The following LPAR1 variants were observed in gnomAD, a reference collection of about 807,000 sequenced individuals.
The protein encoded by LPAR1 is lysophosphatidic acid receptor 1.
In LPAR1, 5 loss-of-function variants were observed where a neutral mutation model predicts 23.8. The ratio of observed to expected loss-of-function variants is 0.21; its 90% CI spans 0.11 to 0.44. The LOEUF (loss-of-function observed/expected upper bound fraction) is 0.44, where lower values mean the gene tolerates loss of function less well. Among genes scored for constraint, LPAR1 ranks in the 20% least tolerant of loss-of-function variants. LPAR1 has a pLI of 0.99. For synonymous variants in LPAR1, 160 were observed against 164.7 expected (o/e 0.97, Z 0.22); for missense variants, 311 against 482.8 (o/e 0.64, Z 3.33).
At chr9:110,902,741 C>T (rs890802171) in intron 5 of LPAR1, among the ~76,000 whole-genome samples, 1 of 151,906 alleles carries the variant, frequency 6.6e-6, no homozygotes, top group Non-Finnish European at 1.5e-5. Flanking sequence ...GATCCTGCCA[C>T]AAAAAAAGGC....
chr9:110,899,632 AC>A (rs1442090997), intron 5 of LPAR1, among the ~76,000 whole-genome samples: 2 of 152,216 alleles, frequency 1.3e-5, no homozygotes, highest in Admixed American at 1.3e-4. Context: ...TACACGAATC[AC>A]CCAGAGATCT....
chr9:110,947,773 G>C (rs933603908), intron 4 of LPAR1, among the ~76,000 whole-genome samples: 3 of 152,224 alleles, frequency 2.0e-5, no homozygotes, highest in African/African-American at 7.2e-5. Context: ...CATTGGCCAA[G>C]AGGAAGAAGG....
intron 2 of LPAR1, among the ~76,000 whole-genome samples, chr9:110,989,944 G>C (rs1046688342): frequency 4.2e-4 from 53 of 127,236 alleles, no homozygotes; most frequent in African/African-American, 1.5e-3. Flanking sequence ...CAAAGCTGAA[G>C]TATCAATATT....
intron 5 of LPAR1, among the ~76,000 whole-genome samples, chr9:110,893,773 T>C (rs903674921): frequency 3.9e-5 from 6 of 152,214 alleles, no homozygotes; most frequent in Non-Finnish European, 7.3e-5. Context: ...CAAGTGTTTG[T>C]AACCAAAAGT....
chr9:110,950,945 C>A (rs2095550367), intron 4 of LPAR1, among the ~76,000 whole-genome samples: 1 of 152,080 alleles, frequency 6.6e-6, no homozygotes, highest in African/African-American at 2.4e-5. Flanking sequence ...AAACTAATAA[C>A]TAGATGCGTT....
Position 110,894,868 on chromosome 9 carries a change from A to C in LPAR1, c.794-19146T>G, listed in dbSNP as rs563876599. ...CTACCTCCAGAAAAAGTAAAAAAAA[A>C]AAATCAGCCAGATGCAGTGGTGCAC... is the stretch of plus-strand genomic sequence containing the variant. On this transcript the variant is annotated intron_variant, in intron 5 of 5. Transcript: ENST00000683809. Among the ~76,000 whole-genome samples the C allele has an allele frequency of 3.9e-5, 6 of 151,922 alleles. No homozygotes were observed. In the South Asian group the frequency reaches 6.2e-4, roughly 16 times the overall value.
Position 110,942,182 on chromosome 9 carries a change from GA to G in LPAR1, c.46-15del. 1 of 1,580,982 alleles carries G rather than the reference GA, an allele frequency of 6.3e-7. No homozygotes were observed. The highest frequency in any genetic ancestry group is 1.2e-5 in the South Asian group (1 of 84,882). ...CATGGCTGTGAACTAAAAGAAAAAG[GA>G]GAAAAGATGATGAAAAAGAAGGCAC... is the stretch of plus-strand genomic sequence containing the variant. On this transcript the variant is annotated splice_polypyrimidine_tract_variant and intron_variant, in intron 4 of 5. Coordinates refer to ENST00000683809, the MANE Select transcript of LPAR1 (RefSeq NM_001351411.2).
intron 4 of LPAR1, among the ~76,000 whole-genome samples, chr9:110,944,776 C>T (rs1163838850): frequency 6.6e-6 from 1 of 152,136 alleles, no homozygotes; most frequent in Non-Finnish European, 1.5e-5. Flanking sequence ...TTTCTTTTCT[C>T]TCAACAATTG....
At chr9:110,968,812 TGCCCAGAATATGTGCCAG>T (rs1341445220) in intron 4 of LPAR1, among the ~76,000 whole-genome samples, 2 of 152,348 alleles carry the variant, frequency 1.3e-5, no homozygotes, top group African/African-American at 4.8e-5. Context: ...GGGCAATATG[TGCCCAGAATATGTGCCAG>T]GCACTATTCT....
At chr9:111,016,267 A>G (rs777628344) in intron 2 of LPAR1, among the ~76,000 whole-genome samples, 10 of 152,174 alleles carry the variant, frequency 6.6e-5, no homozygotes, top group Non-Finnish European at 1.2e-4. Context: ...TCACAAGCAC[A>G]AATACCCACA....
intron 2 of LPAR1, among the ~76,000 whole-genome samples, chr9:111,017,175 A>C (rs935115506): frequency 6.6e-6 from 1 of 152,170 alleles, no homozygotes; most frequent in Non-Finnish European, 1.5e-5. Flanking sequence ...TAATACATGA[A>C]TAGCACCCTA....
intron 2 of LPAR1, among the ~76,000 whole-genome samples, chr9:111,002,521 A>C (rs1178151357): frequency 1.3e-5 from 2 of 152,194 alleles, no homozygotes; most frequent in Admixed American, 6.6e-5. Context: ...AGTATGGCTC[A>C]ATGTGGGAAC....
chr9:110,958,064 T>C (rs1373649878), intron 4 of LPAR1, among the ~76,000 whole-genome samples: 1 of 152,082 alleles, frequency 6.6e-6, no homozygotes, highest in Non-Finnish European at 1.5e-5. Flanking sequence ...TACAAAACAC[T>C]GATGAAAGAA....
At chr9:110,985,258 C>T (rs553347474) in intron 2 of LPAR1, among the ~76,000 whole-genome samples, 53 of 152,224 alleles carry the variant, frequency 3.5e-4, no homozygotes, top group African/African-American at 1.2e-3. Flanking sequence ...GGCTACTTTC[C>T]TCTCTTCCTC....
At chr9:110,895,440 G>A (rs983707289) in intron 5 of LPAR1, among the ~76,000 whole-genome samples, 1 of 152,220 alleles carries the variant, frequency 6.6e-6, no homozygotes. Flanking sequence ...GCAGCACGGG[G>A]CCCCCTAGTC....
Position 111,016,955 on chromosome 9 carries a change from C to T in LPAR1, c.-182+19167G>A, listed in dbSNP as rs201068148. ...CATTGTAAGATTGTATTTGGAGACA[C>T]GACTCAATACATTAAAGTACCTAAC... On this transcript the variant is annotated intron_variant, in intron 2 of 5. Transcript: ENST00000683809. Among the ~76,000 whole-genome samples, 12 of 152,234 alleles carry T rather than the reference C, an allele frequency of 7.9e-5. No homozygotes were observed. The East Asian group carries it at 1.9e-3, about 24-fold the overall frequency.
At chr9:110,927,611 G>A (rs1225590679) in intron 5 of LPAR1, among the ~76,000 whole-genome samples, 1 of 151,938 alleles carries the variant, frequency 6.6e-6, no homozygotes, top group Non-Finnish European at 1.5e-5. Context: ...CAAACTGCAC[G>A]CAATAAAGTT....
intron 5 of LPAR1, among the ~76,000 whole-genome samples, chr9:110,899,014 A>T (rs1407933114): frequency 6.6e-6 from 1 of 152,268 alleles, no homozygotes; most frequent in Non-Finnish European, 1.5e-5. Flanking sequence ...TCCTTGGACA[A>T]ACATCGGCTA....
chr9:110,963,364 T>A (rs1453947907), intron 4 of LPAR1, among the ~76,000 whole-genome samples: 1 of 152,134 alleles, frequency 6.6e-6, no homozygotes, highest in Non-Finnish European at 1.5e-5. Context: ...AGAAACATGG[T>A]TCAAGATGAA....
Sources: gnomAD v4.1 joint callset for allele counts (sites outside exome capture counted in the v4.1 genomes callset) on GRCh38, gnomAD v4.1.1 for gene constraint, MANE v1.5 for transcripts, NCBI Gene and HGNC (gene_info 2026-07-23, HGNC 2026-07-21) for gene names.